The following TUBE1 variants were observed in gnomAD, a reference collection of about 807,000 sequenced individuals.
The protein encoded by TUBE1 is tubulin epsilon chain.
TUBE1 carries 34 observed loss-of-function variants against 53.5 expected under a neutral mutation model. The ratio of observed to expected loss-of-function variants is 0.64; its 90% CI spans 0.48 to 0.85. The LOEUF is 0.85. Among genes scored for constraint, TUBE1 ranks in the 40% least tolerant of loss-of-function variants. The pLI is 0.00. For synonymous variants in TUBE1, 177 were observed against 198.4 expected (o/e 0.89, Z 0.91); for missense variants, 532 against 570.5 (o/e 0.93, Z 0.69).
chr6:112,071,448 AG>A lies in TUBE1; in HGVS notation c.1391del (p.Pro464LeufsTer8). 2 of 1,607,236 alleles carry A rather than the reference AG, an allele frequency of 1.2e-6. No homozygotes were observed. The highest frequency in any genetic ancestry group is 1.7e-6 in the Non-Finnish European group (2 of 1,175,490). ...TGCTTAGTCTGGGTAAATCCTGCAC[AG>A]GCATGTTTTTTGTGGCGTCCAGTTG... ...YDQLDATKNM[P>X]VQDLPRLSIA... On this transcript the variant is annotated frameshift_variant, in exon 12 of 12. Coordinates refer to ENST00000368662, the MANE Select transcript of TUBE1 (RefSeq NM_016262.5). LOFTEE classifies it high-confidence loss of function.
chr6:112,084,271 G>C (rs781839389), intron 3 of TUBE1, 25 bp from the exon 4 acceptor site: 4 of 1,592,850 alleles, frequency 2.5e-6, no homozygotes. Context: ...AATGAGAAAT[G>C]GTCATAAGAT....
intron 6 of TUBE1, chr6:112,077,520 G>A (rs1478773434): frequency 5.3e-5 from 8 of 152,016 alleles, no homozygotes; most frequent in Admixed American, 3.3e-4. Context: ...TGTAGTATGA[G>A]TAAATAACAT....
Position 112,071,436 on chromosome 6 carries a change from T to C in TUBE1, c.1404A>G (p.Leu468=). The C allele has an allele frequency of 6.2e-7, 1 of 1,601,642 alleles. No individual in the cohort carries two copies. The highest frequency in any genetic ancestry group is 8.5e-7 in the Non-Finnish European group (1 of 1,171,942). The change falls in exon 12 of 12, where the codon TTA becomes TTG. Residue 468 remains leucine, a synonymous_variant. Transcript: ENST00000368662. The stretch of plus-strand genomic sequence containing the variant: ...TTCACATAGCTATGCTTAGTCTGGG[T>C]AAATCCTGCACAGGCATGTTTTTTG... The part of the protein sequence containing the change: ...DATKNMPVQD[L]PRLSIAM
At chr6:112,073,916 C>T (rs1195232495) in intron 9 of TUBE1, among the ~76,000 whole-genome samples, 3 of 152,122 alleles carry the variant, frequency 2.0e-5, no homozygotes, top group African/African-American at 7.2e-5. Context: ...GCTGGGACTA[C>T]AAGTGCAGAC....
rs2114475737 is a variant in TUBE1 at position 112,071,031 on chromosome 6, A to T, written c.*381T>A. 6.6e-6 allele frequency: 1 copy of T among 152,104 alleles called. No individual in the cohort carries two copies. The highest frequency in any genetic ancestry group is 3.4e-3 in the Middle Eastern group (1 of 294). The allele number at this position is 152,104 out of a possible 1,614,324, so 9.4% of individuals were successfully genotyped here. A position where few individuals can be genotyped will look rare whatever the true frequency, so the allele number is the denominator to read the frequency against. On this transcript the variant is annotated 3_prime_UTR_variant, in exon 12 of 12. Transcript: ENST00000368662. ...TAACTACTTTTAAAGAATCAGGATA[A>T]CTTAAATAGAATATCAAAATATAAA...
intron 4 of TUBE1, chr6:112,083,975 T>A (rs113529127): frequency 1.9e-6 from 1 of 526,090 alleles, no homozygotes; most frequent in Non-Finnish European, 3.4e-6. Context: ...CTATTTCTCC[T>A]GAAAACAGGC....
At chr6:112,084,329 A>G in intron 3 of TUBE1, 83 bp from the exon 4 acceptor site, 1 of 1,142,054 alleles carries the variant, frequency 8.8e-7, no homozygotes, top group Non-Finnish European at 1.3e-6. Context: ...ACTTCCATTT[A>G]TATAATAAGA....
intron 6 of TUBE1, 68 bp downstream of exon 6, chr6:112,079,565 T>TA: frequency 1.3e-6 from 2 of 1,546,898 alleles, no homozygotes; most frequent in Admixed American, 3.6e-5. Flanking sequence ...AAACAAGACT[T>TA]ACGTTTGCAA....
chr6:112,073,814 T>C (rs1168482361), intron 9 of TUBE1, among the ~76,000 whole-genome samples: 1 of 152,202 alleles, frequency 6.6e-6, no homozygotes, highest in Non-Finnish European at 1.5e-5. Flanking sequence ...CTTCCTTTGT[T>C]GCCCAAGCTG....
chr6:112,085,887 T>C (rs1777145691), intron 3 of TUBE1: 3 of 312,058 alleles, frequency 9.6e-6, no homozygotes, highest in Non-Finnish European at 1.9e-5. Context: ...GACTCTGGAA[T>C]TCACCCAGGA....
chr6:112,079,443 A>G (rs1327700997), intron 6 of TUBE1, 190 bp downstream of exon 6: 1 of 445,820 alleles, frequency 2.2e-6, no homozygotes, highest in Non-Finnish European at 3.8e-6. Context: ...AAAAGAAAAG[A>G]AAAGAAAATA....
chr6:112,077,306 G>A (rs183108182), intron 6 of TUBE1: 2 of 152,252 alleles, frequency 1.3e-5, no homozygotes, highest in East Asian at 3.9e-4. Flanking sequence ...TTTAAAAGCA[G>A]AAACTCGAGG....
At chr6:112,072,653 TAGTA>T in intron 10 of TUBE1, 101 bp downstream of exon 10, 1 of 1,195,140 alleles carries the variant, frequency 8.4e-7, no homozygotes, top group Non-Finnish European at 1.2e-6. Context: ...AGTCACACTT[TAGTA>T]AGTGGCACTG....
rs1776962806 is a variant in TUBE1, at chr6:112,076,115, T to C, written c.637-3A>G. The C allele has an allele frequency of 6.2e-7, 1 of 1,608,662 alleles. No individual in the cohort carries two copies. Among genetic ancestry groups the C allele is most frequent in the African/African-American group, 1.3e-5 (1 of 74,770 alleles). On this transcript the variant is annotated splice_polypyrimidine_tract_variant and splice_region_variant and intron_variant, in intron 7 of 11. Transcript: ENST00000368662. Reference sequence around the variant, plus strand: ...TTGCTAATGATGTCAAATAAAGACTTTTGAGGGAAAAACATTGGGAGAGAA... The same window carrying C: ...TTGCTAATGATGTCAAATAAAGACTCTTGAGGGAAAAACATTGGGAGAGAA...
At chr6:112,085,811 G>C (rs1777143478) in intron 3 of TUBE1, 4 of 445,446 alleles carry the variant, frequency 9.0e-6, no homozygotes, top group African/African-American at 8.1e-5. Flanking sequence ...GGCTGTACTG[G>C]AGAGCACTGA....
At chr6:112,073,623 T>C (rs929384114) in intron 9 of TUBE1, among the ~76,000 whole-genome samples, 3 of 152,182 alleles carry the variant, frequency 2.0e-5, no homozygotes, top group South Asian at 2.1e-4. Flanking sequence ...CGGAGTCCTA[T>C]CTATTAGTTG....
chr6:112,075,879 A>G, intron 8 of TUBE1, 58 bp downstream of exon 8: 1 of 1,455,684 alleles, frequency 6.9e-7, no homozygotes, highest in Non-Finnish European at 9.2e-7. Context: ...TACTACAAAA[A>G]TTCAAAATAT....
Position 112,071,957 on chromosome 6 carries a change from A to G in TUBE1, c.1214T>C (p.Val405Ala), listed in dbSNP as rs782308027. 6.2e-7 allele frequency: 1 copy of G among 1,612,264 alleles called. No individual in the cohort carries two copies. The highest frequency in any genetic ancestry group is 1.1e-5 in the South Asian group (1 of 90,856). ...TTTCAGTTCCATGAAGGTGGGCTTC[A>G]CACATGTGTTATTTGCTAAAGCTAA... is the stretch of plus-strand genomic sequence containing the variant. ...SLLALANNTC[V>A]KPTFMELKER... Residue 405 changes from valine (V) to alanine (A), a missense_variant, in exon 11 of 12, where the codon GTG becomes GCG. Transcript: ENST00000368662.
chr6:112,084,959 G>A (rs1777125482), intron 3 of TUBE1, among the ~76,000 whole-genome samples: 1 of 152,170 alleles, frequency 6.6e-6, no homozygotes, highest in Non-Finnish European at 1.5e-5. Flanking sequence ...CCAATCATCA[G>A]GCCAAATTCA....
Sources: gnomAD v4.1 joint callset for allele counts (sites outside exome capture counted in the v4.1 genomes callset) on GRCh38, gnomAD v4.1.1 for gene constraint, MANE v1.5 for transcripts, NCBI Gene and HGNC (gene_info 2026-07-23, HGNC 2026-07-21) for gene names.